MECOM: variants seen among roughly 807,000 people sequenced by gnomAD.
The protein encoded by MECOM is histone-lysine N-methyltransferase MECOM.
In MECOM, 13 loss-of-function variants were observed where a neutral mutation model predicts 116.3. That is an observed-to-expected ratio of 0.11 (90% CI 0.07 to 0.18). The LOEUF (loss-of-function observed/expected upper bound fraction) is 0.18. Ranked by LOEUF, MECOM falls within the 10% of genes least tolerant of loss-of-function variation. The pLI is 1.00. For synonymous variants in MECOM, 528 were observed against 535.2 expected (o/e 0.99, Z 0.19); for missense variants, 1,299 against 1,509.0 (o/e 0.86, Z 2.31).
At chr3:169,226,489 G>A (rs558741337) in intron 2 of MECOM, among the ~76,000 whole-genome samples, 109 of 152,088 alleles carry the variant, frequency 7.2e-4, no homozygotes, top group Non-Finnish European at 1.5e-3. Context: ...TCTCCACATT[G>A]GTTCTAGGTC....
intron 1 of MECOM, among the ~76,000 whole-genome samples, chr3:169,628,120 A>T (rs115990280): frequency 1.3e-5 from 2 of 152,310 alleles, no homozygotes; most frequent in African/African-American, 4.8e-5. Flanking sequence ...GCCACCTGTG[A>T]AACTTCGAGA....
At chr3:169,536,168 C>T (rs1302126124) in intron 1 of MECOM, among the ~76,000 whole-genome samples, 1 of 152,062 alleles carries the variant, frequency 6.6e-6, no homozygotes, top group African/African-American at 2.4e-5. Flanking sequence ...TGAGACAAAC[C>T]AGACAGCAAT....
chr3:169,661,619 C>T (rs1776293507), intron 1 of MECOM, among the ~76,000 whole-genome samples: 2 of 152,124 alleles, frequency 1.3e-5, no homozygotes, highest in Non-Finnish European at 2.9e-5. Context: ...CTGCACAAAG[C>T]ACTGGAAAGG....
At chr3:169,132,239 G>A (rs548250445) in intron 3 of MECOM, among the ~76,000 whole-genome samples, 6 of 152,244 alleles carry the variant, frequency 3.9e-5, no homozygotes, top group African/African-American at 1.2e-4. Context: ...GTGCTGAGGA[G>A]AGGAAGCATT....
chr3:169,086,557 A>T, intron 16 of MECOM: 1 of 701,594 alleles, frequency 1.4e-6, no homozygotes, highest in Non-Finnish European at 2.6e-6. Context: ...TTTAAGCTTT[A>T]CTTTCCTCCT....
At chr3:169,360,759 G>C (rs1255216486) in intron 2 of MECOM, among the ~76,000 whole-genome samples, 2 of 151,760 alleles carry the variant, frequency 1.3e-5, no homozygotes. Context: ...CTTGTTAATG[G>C]GCGGAGTATG....
At chr3:169,154,129 G>A (rs962343882) in intron 2 of MECOM, among the ~76,000 whole-genome samples, 1 of 151,956 alleles carries the variant, frequency 6.6e-6, no homozygotes, top group African/African-American at 2.4e-5. Context: ...AGTTTGTTCT[G>A]TTCTACCCAC....
At chr3:169,335,489 G>T (rs779040364) in intron 2 of MECOM, among the ~76,000 whole-genome samples, 1 of 152,132 alleles carries the variant, frequency 6.6e-6, no homozygotes, top group South Asian at 2.1e-4. Flanking sequence ...CGCTTGGAAG[G>T]TTGGGGAAGA....
chr3:169,113,428 T>C (rs904712308), intron 8 of MECOM, among the ~76,000 whole-genome samples: 8 of 146,066 alleles, frequency 5.5e-5, no homozygotes, highest in African/African-American at 1.8e-4. Context: ...TATATAAATA[T>C]TTTATGTAAA....
At chr3:169,437,828 AC>A in intron 1 of MECOM, among the ~76,000 whole-genome samples, 1 of 152,320 alleles carries the variant, frequency 6.6e-6, no homozygotes, top group Non-Finnish European at 1.5e-5. Flanking sequence ...GAATGGCTAG[AC>A]CAGACTTCCT....
intron 1 of MECOM, among the ~76,000 whole-genome samples, chr3:169,533,562 A>G (rs1041544521): frequency 7.0e-6 from 1 of 142,808 alleles, no homozygotes; most frequent in Admixed American, 7.0e-5. Context: ...CCTCTTATCA[A>G]TGACCCAGTG....
chr3:169,235,135 A>G (rs1753876758), intron 2 of MECOM, among the ~76,000 whole-genome samples: 1 of 152,222 alleles, frequency 6.6e-6, no homozygotes, highest in Non-Finnish European at 1.5e-5. Context: ...GGTAGAGACT[A>G]AACTCTTATT....
chr3:169,187,919 G>A (rs1459964956), intron 2 of MECOM, among the ~76,000 whole-genome samples: 3 of 152,038 alleles, frequency 2.0e-5, no homozygotes, highest in South Asian at 4.1e-4. Context: ...AATCTGCAGT[G>A]CTCATATAAT....
chr3:169,640,826 G>C (rs1773381086), intron 1 of MECOM, among the ~76,000 whole-genome samples: 1 of 152,202 alleles, frequency 6.6e-6, no homozygotes, highest in African/African-American at 2.4e-5. Flanking sequence ...GCCAGAAAGA[G>C]AGACAGGCTC....
At chr3:169,487,534 G>C (rs920846985) in intron 1 of MECOM, among the ~76,000 whole-genome samples, 3 of 151,148 alleles carry the variant, frequency 2.0e-5, no homozygotes, top group Non-Finnish European at 2.9e-5. Flanking sequence ...ATGTAGGAGA[G>C]GGAAAAATAA....
chr3:169,651,732 A>G (rs915865952), intron 1 of MECOM, among the ~76,000 whole-genome samples: 2 of 152,166 alleles, frequency 1.3e-5, no homozygotes, highest in African/African-American at 4.8e-5. Context: ...TCACCACTAA[A>G]AAATTTACTC....
At chr3:169,572,921 T>A (rs567554653) in intron 1 of MECOM, among the ~76,000 whole-genome samples, 3 of 152,024 alleles carry the variant, frequency 2.0e-5, no homozygotes, top group African/African-American at 7.3e-5. Flanking sequence ...GGCACGTGTA[T>A]ACCTTTGTAA....
At chr3:169,392,271 G>A (rs1489663657) in intron 1 of MECOM, among the ~76,000 whole-genome samples, 1 of 152,088 alleles carries the variant, frequency 6.6e-6, no homozygotes, top group Non-Finnish European at 1.5e-5. Context: ...TCTTTGGTAG[G>A]CTCCATACTA....
chr3:169,590,025 A>G (rs1766222904), intron 1 of MECOM, among the ~76,000 whole-genome samples: 1 of 152,212 alleles, frequency 6.6e-6, no homozygotes, highest in Admixed American at 6.5e-5. Context: ...TTGGACTCAG[A>G]ACTATGAATC....
Sources: allele counts gnomAD v4.1 joint callset (sites outside exome capture counted in the v4.1 genomes callset), GRCh38; gene constraint gnomAD v4.1.1; transcripts MANE v1.5; gene names NCBI Gene and HGNC (gene_info 2026-07-23, HGNC 2026-07-21).